CCNK: variants seen among roughly 807,000 people sequenced by gnomAD.
The protein encoded by CCNK is cyclin-K.
In CCNK, 9 loss-of-function variants were observed where a neutral mutation model predicts 65.0. The ratio of observed to expected loss-of-function variants is 0.14; its 90% CI spans 0.08 to 0.24. CCNK has a LOEUF of 0.24. Among genes scored for constraint, CCNK ranks in the 10% least tolerant of loss-of-function variants. CCNK has a pLI of 1.00. For synonymous variants in CCNK, 279 were observed against 270.8 expected, an observed-to-expected ratio of 1.03 and a Z score of -0.30; for missense variants, 474 against 720.0, an observed-to-expected ratio of 0.66 and a Z score of 3.91.
rs751959442 is a variant in CCNK at position 99,510,398 on chromosome 14, C to G, written c.1359C>G (p.Thr453=). The G allele has an allele frequency of 1.3e-6, 2 of 1,564,192 alleles. No homozygotes were observed. The highest frequency in any genetic ancestry group is 1.7e-6 in the Non-Finnish European group (2 of 1,155,648). ...AGAGCCTGCAGTCCATGATGAAGACCGAGGGACCCTCCTACGGTGCCCTGC... is the reference window on the plus strand; with the variant it reads ...AGAGCCTGCAGTCCATGATGAAGACGGAGGGACCCTCCTACGGTGCCCTGC... ...GYQSLQSMMK[T]EGPSYGALPP... The change falls in exon 11 of 11, where the codon ACC becomes ACG. Residue 453 remains threonine, a synonymous_variant. Coordinates refer to ENST00000389879, the MANE Select transcript of CCNK (RefSeq NM_001099402.2).
chr14:99,503,961 C>T (rs1415973378), intron 9 of CCNK: 5 of 368,586 alleles, frequency 1.4e-5, no homozygotes, highest in Non-Finnish European at 2.6e-5. Flanking sequence ...TTACCCCCAT[C>T]ACAGCAGCAG....
chr14:99,486,261 C>T, intron 1 of CCNK, among the ~76,000 whole-genome samples: 1 of 152,190 alleles, frequency 6.6e-6, no homozygotes, highest in East Asian at 1.9e-4. Context: ...TTGGACCAGT[C>T]TTTTTCCCTT....
At chr14:99,506,334 T>C (rs986756097) in intron 9 of CCNK, 1 of 152,282 alleles carries the variant, frequency 6.6e-6, no homozygotes, top group Non-Finnish European at 1.5e-5. Flanking sequence ...AATAGGGTTC[T>C]TTTTCAGTTG....
At position 99,502,620 on chromosome 14, in the gene CCNK, T is replaced by A. The variant is rs1412825602; in HGVS notation, c.746-99T>A. The A allele has an allele frequency of 2.4e-6, 3 of 1,266,972 alleles. No homozygotes were observed. The East Asian group carries it at 7.5e-5, about 32-fold the overall frequency. 78.5% of individuals were successfully genotyped at this position (1,266,972 alleles called of 1,614,324 possible). A position where few individuals can be genotyped will look rare whatever the true frequency, so the allele number is the denominator to read the frequency against. ...GGTGAGTTGTAAATGTGATTCATGC[T>A]TAGGTCCTCGTAGGGGTATCATAAC... On this transcript the variant is annotated intron_variant, in intron 7 of 10. Coordinates refer to ENST00000389879, the MANE Select transcript of CCNK (RefSeq NM_001099402.2).
chr14:99,503,831 C>A, intron 9 of CCNK, 187 bp downstream of exon 9: 1 of 591,080 alleles, frequency 1.7e-6, no homozygotes. Flanking sequence ...AAATTGTGCT[C>A]TTACGAAGCT....
At position 99,503,701 on chromosome 14, in the gene CCNK, A is replaced by G. The variant is rs1896900616; in HGVS notation, c.1045+57A>G. ...TATGTGTTTATATGCAAAACTTTAAATTCTTAGCCAACATTGTTTCTTTTC... is the reference window on the plus strand; with the variant it reads ...TATGTGTTTATATGCAAAACTTTAAGTTCTTAGCCAACATTGTTTCTTTTC... On this transcript the variant is annotated intron_variant, in intron 9 of 10. Coordinates refer to ENST00000389879, the MANE Select transcript of CCNK (RefSeq NM_001099402.2). 18 of 1,399,366 alleles carry G rather than the reference A, an allele frequency of 1.3e-5. No individual in the cohort carries two copies. The South Asian group carries it at 1.9e-4, about 15-fold the overall frequency. The allele number at this position is 1,399,366 out of a possible 1,614,324, so 86.7% of individuals were successfully genotyped here. A position where few individuals can be genotyped will look rare whatever the true frequency, so the allele number is the denominator to read the frequency against.
At chr14:99,481,811 C>G (rs1435905660) in intron 1 of CCNK, among the ~76,000 whole-genome samples, 3 of 152,236 alleles carry the variant, frequency 2.0e-5, no homozygotes, top group Admixed American at 2.0e-4. Context: ...CACAGTCTCA[C>G]AGCCACAGAC....
intron 9 of CCNK, chr14:99,503,847 T>A: frequency 1.7e-6 from 1 of 573,024 alleles, no homozygotes; most frequent in Non-Finnish European, 3.1e-6. Context: ...AAGCTATCAG[T>A]ACAGAAAACA....
chr14:99,503,678 T>C (rs1311606299), intron 9 of CCNK, 34 bp downstream of exon 9: 9 of 1,515,806 alleles, frequency 5.9e-6, no homozygotes, highest in Non-Finnish European at 7.2e-6. Context: ...TTTAGTTTTA[T>C]GTGTTTATAT....
rs774653559 is a variant in CCNK at position 99,493,557 on chromosome 14, T to G, written c.241T>G (p.Phe81Val). 6.2e-7 allele frequency: 1 copy of G among 1,612,118 alleles called. No homozygotes were observed. The highest frequency in any genetic ancestry group is 8.5e-7 in the Non-Finnish European group (1 of 1,178,798). The change falls in exon 3 of 11, where the codon TTC becomes GTC. Residue 81 changes from phenylalanine (F) to valine (V), a missense_variant. Phe to Val is a conservative substitution (Grantham distance 50). Around this residue, in one of 6 missense-constraint regions of CCNK, gnomAD observed 87 missense variants for 166.2 expected, o/e 0.52. Transcript: ENST00000389879. Reference sequence around the variant, plus strand: ...AACTGGAATAATTTATTTTCATCGCTTCTATATGTTTCATTCCTTCAAGCA... The same window carrying G: ...AACTGGAATAATTTATTTTCATCGCGTCTATATGTTTCATTCCTTCAAGCA... ...LATGIIYFHR[F>V]YMFHSFKQFP... is the part of the protein sequence containing the mutation.
At chr14:99,488,780 C>T (rs1363277572) in intron 1 of CCNK, among the ~76,000 whole-genome samples, 1 of 152,124 alleles carries the variant, frequency 6.6e-6, no homozygotes, top group East Asian at 1.9e-4. Flanking sequence ...GTATTATTCT[C>T]TATATGTATT....
At chr14:99,499,183 G>T (rs931293947) in intron 4 of CCNK, among the ~76,000 whole-genome samples, 1 of 152,118 alleles carries the variant, frequency 6.6e-6, no homozygotes, top group Non-Finnish European at 1.5e-5. Context: ...GACTACAGGC[G>T]CCTGCCACCA....
intron 10 of CCNK, chr14:99,508,095 GC>G (rs1047017086): frequency 6.6e-6 from 1 of 152,238 alleles, no homozygotes; most frequent in Non-Finnish European, 1.5e-5. Flanking sequence ...TCACACTGGG[GC>G]TGACAGCACT....
chr14:99,482,550 T>C (rs914700855), intron 1 of CCNK, among the ~76,000 whole-genome samples: 3 of 152,236 alleles, frequency 2.0e-5, no homozygotes, highest in African/African-American at 7.2e-5. Context: ...TTATCCAAGA[T>C]TGTCTTATTC....
In CCNK at chr14:99,510,211, T is replaced by C; in HGVS notation, c.1172T>C (p.Val391Ala). The change falls in exon 11 of 11, where the codon GTG (valine) becomes GCG (alanine). Residue 391 changes from valine to alanine, a missense_variant. By Grantham distance (64) the Val-to-Ala change is moderately conservative. Coordinates refer to ENST00000389879, the MANE Select transcript of CCNK (RefSeq NM_001099402.2). ...GGTGAGGCTGAGCCGCCGGGCCCTG[T>C]GGATGCCACTGACCTCCCCAAAGTC... ...ALGEAEPPGP[V>A]DATDLPKVQI... 6.3e-7 allele frequency: 1 copy of C among 1,597,212 alleles called. No individual in the cohort carries two copies. Among genetic ancestry groups the C allele is most frequent in the Non-Finnish European group, 8.5e-7 (1 of 1,175,102 alleles).
At chr14:99,489,485 A>G (rs1351067220) in intron 1 of CCNK, among the ~76,000 whole-genome samples, 2 of 152,188 alleles carry the variant, frequency 1.3e-5, no homozygotes, top group African/African-American at 2.4e-5. Context: ...AACTAGGATC[A>G]TGCCACTGCA....
intron 2 of CCNK, 44 bp downstream of exon 2, chr14:99,492,918 C>A: frequency 6.9e-7 from 1 of 1,448,766 alleles, no homozygotes; most frequent in Non-Finnish European, 9.3e-7. Context: ...AGGCTCCCCA[C>A]TCACCACCAA....
intron 5 of CCNK, 162 bp downstream of exon 5, chr14:99,501,033 C>A (rs1333693183): frequency 3.2e-6 from 2 of 620,692 alleles, no homozygotes; most frequent in Admixed American, 3.2e-5. Flanking sequence ...GCTGCTAATG[C>A]TGTTTCCTTT....
intron 1 of CCNK, among the ~76,000 whole-genome samples, chr14:99,490,297 G>A (rs1478583143): frequency 6.6e-6 from 1 of 152,180 alleles, no homozygotes; most frequent in African/African-American, 2.4e-5. Flanking sequence ...AGAGCTCATG[G>A]TTAACAGCAG....
Sources: gnomAD v4.1 joint callset for allele counts (sites outside exome capture counted in the v4.1 genomes callset) on GRCh38, gnomAD v4.1.1 for gene constraint, gnomAD v4.1.1 regional missense constraint, MANE v1.5 for transcripts, NCBI Gene and HGNC (gene_info 2026-07-23, HGNC 2026-07-21) for gene names.